MTMR10: variants seen among roughly 807,000 people sequenced by gnomAD.
MTMR10 encodes myotubularin-related protein 10.
A neutral mutation model predicts 88.1 loss-of-function variants in MTMR10; 56 were observed. The ratio of observed to expected loss-of-function variants is 0.64; its 90% CI spans 0.51 to 0.79. The LOEUF is 0.79. MTMR10 is among the 30% of genes least tolerant of loss of function. MTMR10 has a pLI of 0.00. For synonymous variants in MTMR10, 380 were observed against 340.9 expected (o/e 1.11, Z -1.26); for missense variants, 883 against 924.7 (o/e 0.95, Z 0.58).
chr15:30,955,293 C>T (rs370594941), intron 9 of MTMR10, among the ~76,000 whole-genome samples: 30 of 152,274 alleles, frequency 2.0e-4, no homozygotes, highest in South Asian at 6.2e-4. Flanking sequence ...CTTTTTGAGA[C>T]GGAGTCTCAT....
chr15:30,942,136 T>TGGC, intron 15 of MTMR10, 64 bp from the exon 16 acceptor site: 1 of 1,515,080 alleles, frequency 6.6e-7, no homozygotes, highest in Non-Finnish European at 8.9e-7. Flanking sequence ...AAGGATGCAA[T>TGGC]GGCAAATATA....
In MTMR10 at chr15:30,941,866, C is replaced by T; in HGVS notation, c.1938G>A (p.Leu646=). The T allele has an allele frequency of 6.2e-7, 1 of 1,614,040 alleles. No homozygotes were observed. Among genetic ancestry groups the T allele is most frequent in the Non-Finnish European group, 8.5e-7 (1 of 1,179,902 alleles). The change falls in exon 16 of 16, where the codon CTG becomes CTA. Residue 646 remains leucine (L), a synonymous_variant. Transcript: ENST00000435680. Reference sequence around the variant, plus strand: ...TTATGTGTGTTCCAGAGACACGTGGCAGAATAACACCGTGCAGGTTGGCGG... The same window carrying T: ...TTATGTGTGTTCCAGAGACACGTGGTAGAATAACACCGTGCAGGTTGGCGG... ...SKPANLHGVI[L]PRVSGTHIKL...
intron 10 of MTMR10, among the ~76,000 whole-genome samples, chr15:30,954,430 A>T (rs898351243): frequency 2.0e-5 from 3 of 152,174 alleles, no homozygotes; most frequent in Admixed American, 6.5e-5. Context: ...TCAAAGTATA[A>T]CTGTATGTAT....
chr15:30,921,740 A>G, the MTMR10 span, among the ~76,000 whole-genome samples: 4 of 152,322 alleles, frequency 2.6e-5, no homozygotes, highest in African/African-American at 7.2e-5. Flanking sequence ...AACAAACAGA[A>G]TGACCGAACA....
intron 14 of MTMR10, 129 bp from the exon 15 acceptor site, chr15:30,943,201 G>A (rs2063109801): frequency 7.1e-7 from 1 of 1,411,090 alleles, no homozygotes; most frequent in Non-Finnish European, 9.2e-7. Context: ...CACCAGAGTG[G>A]CACTTTCACT....
At position 30,959,079 on chromosome 15, in the gene MTMR10, T is replaced by C. The variant is rs2063365840; in HGVS notation, c.801A>G (p.Gln267=). 6.2e-7 allele frequency: 1 copy of C among 1,610,892 alleles called. No individual in the cohort carries two copies. The highest frequency in any genetic ancestry group is 1.1e-5 in the South Asian group (1 of 90,674). The change falls in exon 8 of 16, where the codon CAA becomes CAG. Residue 267 remains glutamine (Q), a synonymous_variant. Transcript: ENST00000435680. ...AAGAATGGGAAAAGATCTTTAGATC[T>C]TGGTCTGCTAAAGAACTTGGCACTA... is the stretch of plus-strand genomic sequence containing the variant. ...YIVVPSSLAD[Q]DLKIFSHSFV...
chr15:30,934,902 AACATATTATTTT>A (rs1446632877), downstream of MTMR10, among the ~76,000 whole-genome samples: 3 of 152,280 alleles, frequency 2.0e-5, no homozygotes, highest in African/African-American at 7.2e-5. Flanking sequence ...TATGTTCTAT[AACATATTATTTT>A]TGCTTTCTAC....
At chr15:30,944,203 T>C (rs1250832992) in intron 14 of MTMR10, among the ~76,000 whole-genome samples, 3 of 152,218 alleles carry the variant, frequency 2.0e-5, no homozygotes, top group African/African-American at 7.2e-5. Context: ...CAGGGCATTT[T>C]GTAAAGTTTT....
chr15:30,926,273 C>G, the MTMR10 span, among the ~76,000 whole-genome samples: 1 of 152,220 alleles, frequency 6.6e-6, no homozygotes, highest in African/African-American at 2.4e-5. Flanking sequence ...TCCTTCTGTT[C>G]TCTCCTGCCC....
At chr15:30,956,505 T>A (rs2063330102) in intron 9 of MTMR10, among the ~76,000 whole-genome samples, 2 of 152,172 alleles carry the variant, frequency 1.3e-5, no homozygotes, top group South Asian at 4.1e-4. Context: ...AGCCGAAACC[T>A]AAATGAATAG....
chr15:30,954,645 T>G, intron 10 of MTMR10, 118 bp downstream of exon 10: 2 of 1,045,154 alleles, frequency 1.9e-6, no homozygotes, highest in Non-Finnish European at 1.3e-6. Context: ...GTACAAATAG[T>G]TCCATAGACT....
At chr15:30,919,990 G>T in the MTMR10 span, among the ~76,000 whole-genome samples, 1 of 152,156 alleles carries the variant, frequency 6.6e-6, no homozygotes, top group African/African-American at 2.4e-5. Flanking sequence ...ATAAACAGAG[G>T]TTGATAAACT....
At chr15:30,931,950 C>T in the MTMR10 span, among the ~76,000 whole-genome samples, 19 of 148,176 alleles carry the variant, frequency 1.3e-4, 1 homozygote, top group Middle Eastern at 3.8e-3. Context: ...AGGCCGGGTA[C>T]GGTGGCTCAC....
chr15:30,978,013 T>C (rs2030287098), intron 2 of MTMR10, among the ~76,000 whole-genome samples: 1 of 152,204 alleles, frequency 6.6e-6, no homozygotes. Context: ...GAGCCCTGCA[T>C]ACCCAGCCAG....
chr15:30,988,861 G>A (rs1049680218), intron 2 of MTMR10, among the ~76,000 whole-genome samples: 2 of 151,718 alleles, frequency 1.3e-5, no homozygotes, highest in African/African-American at 4.8e-5. Flanking sequence ...GTGGTGGTGG[G>A]CTCCTGTAAT....
intron 2 of MTMR10, among the ~76,000 whole-genome samples, chr15:30,982,119 GA>G (rs886400395): frequency 3.3e-5 from 5 of 151,056 alleles, no homozygotes; most frequent in Non-Finnish European, 5.9e-5. Flanking sequence ...AAATTCAATA[GA>G]AAAAAACACG....
At chr15:30,930,526 C>G in the MTMR10 span, 1 of 1,580,978 alleles carries the variant, frequency 6.3e-7, no homozygotes, top group Non-Finnish European at 8.5e-7. Context: ...GCTAACTGTC[C>G]TGTGTTTTGT....
At chr15:30,928,882 A>G in the MTMR10 span, 1 of 748,660 alleles carries the variant, frequency 1.3e-6, no homozygotes, top group Non-Finnish European at 1.6e-6. Flanking sequence ...TTACATTTAG[A>G]CCTTTCGTAT....
At chr15:30,922,354 G>A in the MTMR10 span, 114 of 1,596,388 alleles carry the variant, frequency 7.1e-5, no homozygotes, top group Non-Finnish European at 8.4e-5. Flanking sequence ...GCCTGGAACC[G>A]GTACTCAGTA....
Sources: gnomAD v4.1 joint callset for allele counts (sites outside exome capture counted in the v4.1 genomes callset) on GRCh38, gnomAD v4.1.1 for gene constraint, MANE v1.5 for transcripts, NCBI Gene and HGNC (gene_info 2026-07-23, HGNC 2026-07-21) for gene names.